SLC67A1: variants seen among roughly 807,000 people sequenced by gnomAD.
SLC67A1 encodes solute carrier family 67 member 1, also known as solute carrier family 67 member A1.
At chr11:2,910,860 C>A in the SLC67A1 span, among the ~76,000 whole-genome samples, 1 of 152,172 alleles carries the variant, frequency 6.6e-6, no homozygotes, top group African/African-American at 2.4e-5. Flanking sequence ...CTTGTTCAGG[C>A]CCAGCCTGGG....
the SLC67A1 span, chr11:2,909,576 A>T: frequency 2.8e-5 from 43 of 1,526,966 alleles, no homozygotes; most frequent in Non-Finnish European, 3.8e-5. Context: ...CCCCGTCCCC[A>T]GCCGCCCAGA....
At chr11:2,909,516 T>A in the SLC67A1 span, 2 of 777,792 alleles carry the variant, frequency 2.6e-6, no homozygotes, top group Non-Finnish European at 3.4e-6. Context: ...GAGGGGCGGG[T>A]CAGGGGGGGA....
At chr11:2,913,785 G>A in the SLC67A1 span, among the ~76,000 whole-genome samples, 1 of 152,202 alleles carries the variant, frequency 6.6e-6, no homozygotes, top group Non-Finnish European at 1.5e-5. Context: ...CTGGGCACAT[G>A]CTGTCACCTT....
At chr11:2,916,226 C>T in the SLC67A1 span, 12,559 of 181,008 alleles carry the variant, frequency 0.069, 492 homozygotes, top group Middle Eastern at 0.11. Context: ...GCCCAGGTCT[C>T]GGAGAGCCCC....
At chr11:2,900,281 C>G in the SLC67A1 span, among the ~76,000 whole-genome samples, 1 of 152,170 alleles carries the variant, frequency 6.6e-6, no homozygotes, top group Non-Finnish European at 1.5e-5. Flanking sequence ...GTACACTGCA[C>G]CCGTGGGCTT....
At chr11:2,903,263 C>G in the SLC67A1 span, 13 of 1,561,506 alleles carry the variant, frequency 8.3e-6, no homozygotes, top group South Asian at 1.5e-4. Flanking sequence ...GCACCCCTGC[C>G]CGGATCAACT....
chr11:2,913,366 C>T, the SLC67A1 span, among the ~76,000 whole-genome samples: 1 of 152,132 alleles, frequency 6.6e-6, no homozygotes, highest in Non-Finnish European at 1.5e-5. Flanking sequence ...GGACAGGCCT[C>T]CTGCTGGGCC....
the SLC67A1 span, chr11:2,921,325 G>A: frequency 1.3e-5 from 2 of 152,172 alleles, no homozygotes; most frequent in East Asian, 1.9e-4. Context: ...GGTTCCGGTT[G>A]GAAGCAGTTT....
the SLC67A1 span, chr11:2,919,265 G>A: frequency 3.4e-6 from 5 of 1,477,996 alleles, no homozygotes; most frequent in Non-Finnish European, 4.7e-6. Context: ...GCCAAGGTCG[G>A]GGTGTGGGGG....
the SLC67A1 span, among the ~76,000 whole-genome samples, chr11:2,913,981 C>T: frequency 6.6e-6 from 1 of 151,926 alleles, no homozygotes; most frequent in Non-Finnish European, 1.5e-5. Flanking sequence ...AGGTGGGCTG[C>T]GCCCTGCAGG....
the SLC67A1 span, chr11:2,919,200 G>A: frequency 1.3e-6 from 1 of 772,854 alleles, no homozygotes; most frequent in Non-Finnish European, 2.3e-6. Flanking sequence ...CCAGTCACCA[G>A]CCAGGGCCCA....
chr11:2,924,624 G>A, the SLC67A1 span, among the ~76,000 whole-genome samples: 5 of 152,350 alleles, frequency 3.3e-5, no homozygotes, highest in South Asian at 2.1e-4. The surrounding 1 kb of genome is among the most constrained non-coding windows in gnomAD (Gnocchi z 8.6). Flanking sequence ...CTGGCAGGGC[G>A]GGGCCTTCTG....
the SLC67A1 span, chr11:2,909,519 G>T: frequency 6.8e-7 from 1 of 1,466,998 alleles, no homozygotes; most frequent in Admixed American, 2.3e-5. Context: ...GGGCGGGTCA[G>T]GGGGGGAAGG....
chr11:2,918,625 C>G, the SLC67A1 span, among the ~76,000 whole-genome samples: 1 of 152,230 alleles, frequency 6.6e-6, no homozygotes, highest in Non-Finnish European at 1.5e-5. Context: ...TGGCACCGGC[C>G]CCTGTCCCAC....
At chr11:2,913,143 C>T in the SLC67A1 span, among the ~76,000 whole-genome samples, 1 of 152,152 alleles carries the variant, frequency 6.6e-6, no homozygotes, top group Non-Finnish European at 1.5e-5. Flanking sequence ...AGGGCAGGGG[C>T]TGGCAGGCAG....
the SLC67A1 span, chr11:2,918,225 A>G: frequency 1.5e-6 from 1 of 687,272 alleles, no homozygotes; most frequent in Non-Finnish European, 2.5e-6. Flanking sequence ...CAGGAGCGGG[A>G]GGAAGGCAGA....
the SLC67A1 span, chr11:2,918,221 C>T: frequency 2.0e-5 from 14 of 703,836 alleles, no homozygotes; most frequent in East Asian, 1.4e-4. Flanking sequence ...CAGGCAGGAG[C>T]GGGAGGAAGG....
the SLC67A1 span, chr11:2,903,771 A>C: frequency 2.1e-6 from 1 of 481,160 alleles, no homozygotes; most frequent in Non-Finnish European, 3.8e-6. Context: ...AAACCTTCCT[A>C]GCGCTGTTCC....
chr11:2,899,856 C>A, the SLC67A1 span: 28 of 762,070 alleles, frequency 3.7e-5, no homozygotes, highest in Non-Finnish European at 5.7e-5. Context: ...GACCCTCAGC[C>A]TCCCTCGCAC....
Sources: allele counts gnomAD v4.1 joint callset (sites outside exome capture counted in the v4.1 genomes callset), GRCh38; gene constraint gnomAD v4.1.1; non-coding constraint Gnocchi (gnomAD v3.1); transcripts MANE v1.5; gene names NCBI Gene and HGNC (gene_info 2026-07-23, HGNC 2026-07-21).